Variants in VSTM4 observed in about 807,000 individuals in gnomAD.
VSTM4 encodes the protein V-set and transmembrane domain-containing protein 4.
In VSTM4, 20 loss-of-function variants were observed where a neutral mutation model predicts 36.4. That is an observed-to-expected ratio of 0.55 (90% CI 0.39 to 0.80). The LOEUF (loss-of-function observed/expected upper bound fraction) is 0.80, where lower values mean the gene tolerates loss of function less well. Among genes scored for constraint, VSTM4 ranks in the 30% least tolerant of loss-of-function variants. The pLI is 0.00. For synonymous variants in VSTM4, 182 were observed against 173.9 expected (o/e 1.05, Z -0.37); for missense variants, 392 against 404.5 (o/e 0.97, Z 0.26).
chr10:49,069,782 C>T (rs957660408), intron 4 of VSTM4, among the ~76,000 whole-genome samples: 3 of 152,166 alleles, frequency 2.0e-5, no homozygotes, highest in South Asian at 4.2e-4. Context: ...CACTTAGAGG[C>T]CACATTTCTC....
intron 7 of VSTM4, among the ~76,000 whole-genome samples, chr10:49,042,453 A>C (rs1275350960): frequency 1.3e-5 from 2 of 152,252 alleles, no homozygotes; most frequent in Non-Finnish European, 2.9e-5. Context: ...GGACAGGAGC[A>C]AGGCTGAGCC....
chr10:49,048,452 T>C, intron 6 of VSTM4, 26 bp downstream of exon 6: 1 of 1,553,130 alleles, frequency 6.4e-7, no homozygotes, highest in Non-Finnish European at 8.7e-7. Context: ...AGTTTCCAGG[T>C]AAGAAACTGC....
At chr10:49,098,280 C>T (rs112303404) in intron 2 of VSTM4, among the ~76,000 whole-genome samples, 2 of 152,324 alleles carry the variant, frequency 1.3e-5, no homozygotes, top group African/African-American at 4.8e-5. Flanking sequence ...CACTTCATCA[C>T]GTCTCACCTG....
At chr10:49,106,755 A>G (rs931729151) in intron 2 of VSTM4, among the ~76,000 whole-genome samples, 3 of 152,198 alleles carry the variant, frequency 2.0e-5, no homozygotes, top group Admixed American at 2.0e-4. Flanking sequence ...AGCACTGACA[A>G]ACATGCTCTC....
intron 7 of VSTM4, among the ~76,000 whole-genome samples, chr10:49,034,109 C>G (rs1222945860): frequency 6.6e-6 from 1 of 151,638 alleles, no homozygotes; most frequent in East Asian, 1.9e-4. Flanking sequence ...ATTATCATCA[C>G]CATTATTACC....
chr10:49,085,478 A>C (rs1590117907), intron 3 of VSTM4, among the ~76,000 whole-genome samples: 1 of 152,338 alleles, frequency 6.6e-6, no homozygotes, highest in East Asian at 1.9e-4. Context: ...AGAGGTACTT[A>C]TCATTTTTAT....
chr10:49,103,906 C>A, intron 2 of VSTM4: 1 of 1,566,082 alleles, frequency 6.4e-7, no homozygotes, highest in Non-Finnish European at 8.7e-7. Flanking sequence ...ACAAGAGAGA[C>A]CACGGGCCTG....
At chr10:49,065,617 G>A (rs1267982326) in intron 4 of VSTM4, among the ~76,000 whole-genome samples, 1 of 152,154 alleles carries the variant, frequency 6.6e-6, no homozygotes, top group African/African-American at 2.4e-5. Flanking sequence ...ACTACACGGA[G>A]CAGACACCAG....
intron 1 of VSTM4, among the ~76,000 whole-genome samples, chr10:49,109,371 G>A (rs1318129166): frequency 1.3e-5 from 2 of 152,126 alleles, no homozygotes; most frequent in African/African-American, 4.8e-5. Context: ...GCTGGGGGAG[G>A]GATGGTAGAT....
At chr10:49,032,113 TATC>T (rs1843355303) in intron 7 of VSTM4, among the ~76,000 whole-genome samples, 1 of 152,146 alleles carries the variant, frequency 6.6e-6, no homozygotes, top group Non-Finnish European at 1.5e-5. Context: ...TATTATAAGG[TATC>T]ATCAATTTGG....
Position 49,038,493 on chromosome 10 carries a change from G to A in VSTM4, c.837+8490C>T, listed in dbSNP as rs1843467858. Among the ~76,000 whole-genome samples, 3 of 152,180 alleles carry A rather than the reference G, an allele frequency of 2.0e-5. No homozygotes were observed. The South Asian group carries it at 6.2e-4, about 31-fold the overall frequency. ...GGTGTTTCTTGAGTACAGAGTTTCA[G>A]TTTTGCAAGATGAAAAGAGCATTGG... is the stretch of plus-strand genomic sequence containing the variant. On this transcript the variant is annotated intron_variant, in intron 7 of 7. Transcript: ENST00000332853.
intron 7 of VSTM4, among the ~76,000 whole-genome samples, chr10:49,039,638 G>T (rs1395021338): frequency 6.6e-6 from 1 of 152,090 alleles, no homozygotes; most frequent in East Asian, 1.9e-4. Flanking sequence ...TGCAGATGAG[G>T]TGTGGGTGAC....
intron 4 of VSTM4, 27 bp from the exon 5 acceptor site, chr10:49,064,763 G>A: frequency 6.2e-7 from 1 of 1,608,486 alleles, no homozygotes; most frequent in African/African-American, 1.3e-5. Flanking sequence ...AATAGAAGAT[G>A]GTAAACCAAT....
At chr10:49,051,101 C>T (rs1012620139) in intron 5 of VSTM4, among the ~76,000 whole-genome samples, 26 of 152,140 alleles carry the variant, frequency 1.7e-4, no homozygotes, top group African/African-American at 5.6e-4. Context: ...TCTTGATGTA[C>T]AGTATATTCT....
chr10:49,024,354 G>A (rs1843225167), intron 7 of VSTM4, among the ~76,000 whole-genome samples: 2 of 152,202 alleles, frequency 1.3e-5, no homozygotes, highest in South Asian at 4.1e-4. Flanking sequence ...GATTCTATGA[G>A]CAAGGGGGGA....
rs180972667 is a variant in VSTM4 at position 49,093,848 on chromosome 10, C to T, written c.458-7825G>A. ...CTGCAAGCTCCTCTTCCCGGGTTCA[C>T]GCCGTCCTCCTGCCTCAGCCTCCCA... On this transcript the variant is annotated intron_variant, in intron 2 of 7. Transcript: ENST00000332853. 8.7e-4 allele frequency among the ~76,000 whole-genome samples: 130 copies of T among 150,156 alleles called. 2 individuals are homozygous for T. The highest frequency in any genetic ancestry group is 6.7e-4 in the Admixed American group (10 of 14,976).
chr10:49,072,729 G>A (rs1844103287), intron 4 of VSTM4, among the ~76,000 whole-genome samples: 1 of 152,204 alleles, frequency 6.6e-6, no homozygotes, highest in Non-Finnish European at 1.5e-5. Context: ...CACAGGGAGA[G>A]AAATATCACC....
chr10:49,063,954 C>A (rs1368105735), intron 5 of VSTM4, among the ~76,000 whole-genome samples: 1 of 152,214 alleles, frequency 6.6e-6, no homozygotes, highest in Non-Finnish European at 1.5e-5. Context: ...CAGGGGAACT[C>A]CCCTTTGATC....
intron 5 of VSTM4, among the ~76,000 whole-genome samples, chr10:49,063,632 G>T (rs188020584): frequency 2.0e-5 from 3 of 152,306 alleles, no homozygotes; most frequent in African/African-American, 7.2e-5. Context: ...GGTCTGTTTG[G>T]TTTATATGGT....
Sources: gnomAD v4.1 joint callset for allele counts (sites outside exome capture counted in the v4.1 genomes callset) on GRCh38, gnomAD v4.1.1 for gene constraint, MANE v1.5 for transcripts, NCBI Gene and HGNC (gene_info 2026-07-23, HGNC 2026-07-21) for gene names.